Variants in ADAM32 observed in about 807,000 individuals in gnomAD.
The protein encoded by ADAM32 is ADAM metallopeptidase domain 32, also known as disintegrin and metalloproteinase domain-containing protein 32.
ADAM32 carries 89 observed loss-of-function variants against 114.9 expected under a neutral mutation model. The observed-to-expected ratio is 0.77, with a 90% CI of 0.65 to 0.92. The LOEUF (loss-of-function observed/expected upper bound fraction) is 0.92. Among genes scored for constraint, ADAM32 ranks in the 40% least tolerant of loss-of-function variants. ADAM32 has a pLI of 0.00. For missense variants in ADAM32, 870 were observed against 932.8 expected, an observed-to-expected ratio of 0.93 and a Z score of 0.88; for synonymous variants, 285 against 307.5, an observed-to-expected ratio of 0.93 and a Z score of 0.77.
chr8:39,118,283 T>C lies in ADAM32; in HGVS notation c.138+118T>C, dbSNP rs572342591. 207 of 529,638 alleles carry C rather than the reference T, an allele frequency of 3.9e-4. 2 individuals carry two copies. In the South Asian group the frequency reaches 0.012, roughly 31 times the overall value. 32.8% of individuals were successfully genotyped at this position (529,638 alleles called of 1,614,324 possible). On this transcript the variant is annotated intron_variant, in intron 2 of 24. Coordinates refer to ENST00000379907, the MANE Select transcript of ADAM32 (RefSeq NM_145004.7). ...AATATAATGTCTCTTGTATTTCTAC[T>C]GATAGGAATTAAAAGCTTTGATGGT...
rs1269453640 is a variant in ADAM32, at chr8:39,284,674, A to G, written c.2358-119A>G. The G allele has an allele frequency of 4.6e-6, 5 of 1,093,458 alleles. No homozygotes were observed. The African/African-American group carries it at 6.3e-5, about 14-fold the overall frequency. 67.7% of individuals were successfully genotyped at this position (1,093,458 alleles called of 1,614,324 possible). ...AGGCAAAATTGTAAACATCCTTTCA[A>G]TAATTCTTTTTTTCGTGCCACATGA... On this transcript the variant is annotated intron_variant, in intron 24 of 24. Transcript: ENST00000379907.
intron 17 of ADAM32, among the ~76,000 whole-genome samples, chr8:39,250,364 C>A (rs533822361): frequency 6.6e-5 from 10 of 151,654 alleles, no homozygotes; most frequent in East Asian, 3.9e-4. Flanking sequence ...ATTCTATTTA[C>A]GGGCCCATCA....
chr8:39,181,581 A>G (rs1805898427), intron 10 of ADAM32, among the ~76,000 whole-genome samples: 1 of 152,212 alleles, frequency 6.6e-6, no homozygotes, highest in African/African-American at 2.4e-5. Context: ...TCTTTGTCCT[A>G]ACATCTTCCT....
chr8:39,131,850 A>G (rs1802477816), intron 2 of ADAM32, among the ~76,000 whole-genome samples: 1 of 152,062 alleles, frequency 6.6e-6, no homozygotes, highest in Non-Finnish European at 1.5e-5. Flanking sequence ...TTGTGTATTG[A>G]ATCTAAGGTG....
Position 39,284,819 on chromosome 8 carries a change from C to A in ADAM32, c.*20C>A. 6.2e-7 allele frequency: 1 copy of A among 1,613,164 alleles called. No homozygotes were observed. Among genetic ancestry groups the A allele is most frequent in the Non-Finnish European group, 8.5e-7 (1 of 1,179,274 alleles). ...AACTAGTGATTCCTTCAGAAGGCAA[C>A]GGATAACATCGAGAGTCTCGCTAAG... On this transcript the variant is annotated 3_prime_UTR_variant, in exon 25 of 25. Coordinates refer to ENST00000379907, the MANE Select transcript of ADAM32 (RefSeq NM_145004.7).
chr8:39,132,752 A>AT (rs35027560), intron 2 of ADAM32, among the ~76,000 whole-genome samples: 44,809 of 149,226 alleles, frequency 0.3, 7,544 homozygotes, highest in Middle Eastern at 0.39. Context: ...TAGTTGACAG[A>AT]TTTTTTTTTT....
At chr8:39,186,820 A>C in intron 10 of ADAM32, 89 bp from the exon 11 acceptor site, 2 of 1,121,654 alleles carry the variant, frequency 1.8e-6, no homozygotes, top group Non-Finnish European at 2.5e-6. Flanking sequence ...GCATTTGATA[A>C]AATAATAAAA....
At chr8:39,159,565 C>A (rs1804356935) in intron 6 of ADAM32, among the ~76,000 whole-genome samples, 1 of 152,214 alleles carries the variant, frequency 6.6e-6, no homozygotes, top group African/African-American at 2.4e-5. Context: ...CATTTCCTTC[C>A]TCAGCCTCTT....
intron 11 of ADAM32, among the ~76,000 whole-genome samples, chr8:39,190,335 A>G (rs941820579): frequency 1.3e-5 from 2 of 152,212 alleles, no homozygotes; most frequent in Non-Finnish European, 2.9e-5. Flanking sequence ...GGCTATTGTG[A>G]ATAGTGCTGC....
intron 2 of ADAM32, among the ~76,000 whole-genome samples, chr8:39,121,789 TGG>T (rs1416466903): frequency 6.6e-6 from 1 of 151,890 alleles, no homozygotes; most frequent in East Asian, 1.9e-4. Context: ...CCCAGAGCTG[TGG>T]GGGCAGAGCC....
intron 12 of ADAM32, among the ~76,000 whole-genome samples, chr8:39,211,906 C>T (rs1359502727): frequency 6.6e-6 from 1 of 152,152 alleles, no homozygotes; most frequent in African/African-American, 2.4e-5. Flanking sequence ...CTGTTACATC[C>T]ATAGGTCTGA....
chr8:39,215,617 A>G (rs540838202), intron 12 of ADAM32, among the ~76,000 whole-genome samples: 1 of 152,060 alleles, frequency 6.6e-6, no homozygotes. Context: ...AAATTTTTAA[A>G]TTTCCTTGTT....
intron 3 of ADAM32, among the ~76,000 whole-genome samples, chr8:39,145,129 C>A (rs1280678082): frequency 6.6e-6 from 1 of 152,068 alleles, no homozygotes; most frequent in Non-Finnish European, 1.5e-5. Flanking sequence ...GATCTGTATA[C>A]TGAGAGCTAG....
intron 11 of ADAM32, 52 bp downstream of exon 11, chr8:39,187,097 C>A: frequency 6.6e-7 from 1 of 1,504,808 alleles, no homozygotes; most frequent in Non-Finnish European, 9.0e-7. Flanking sequence ...TTTAAATATT[C>A]AGAGTGTGAA....
intron 2 of ADAM32, among the ~76,000 whole-genome samples, chr8:39,135,146 A>C (rs1425045373): frequency 2.0e-5 from 3 of 152,096 alleles, no homozygotes; most frequent in African/African-American, 7.2e-5. Context: ...CAAGAGCGAA[A>C]CTCTGTCGCA....
intron 10 of ADAM32, among the ~76,000 whole-genome samples, chr8:39,185,369 A>AAACT (rs1806168750): frequency 6.6e-6 from 1 of 151,982 alleles, no homozygotes; most frequent in Non-Finnish European, 1.5e-5. Flanking sequence ...ACAAACAAAC[A>AAACT]AACAAAAAAA....
intron 16 of ADAM32, among the ~76,000 whole-genome samples, chr8:39,234,634 C>T (rs1809983549): frequency 6.6e-6 from 1 of 152,090 alleles, no homozygotes; most frequent in Admixed American, 6.5e-5. Context: ...AGCACAATGC[C>T]CAGAACATAG....
chr8:39,273,268 G>A (rs1458803845), intron 20 of ADAM32, among the ~76,000 whole-genome samples: 1 of 152,120 alleles, frequency 6.6e-6, no homozygotes, highest in Non-Finnish European at 1.5e-5. Flanking sequence ...CACTTTGAGA[G>A]GCTGAGGCGG....
intron 13 of ADAM32, 42 bp downstream of exon 13, chr8:39,221,744 A>T: frequency 6.8e-7 from 1 of 1,465,942 alleles, no homozygotes; most frequent in Non-Finnish European, 9.5e-7. Flanking sequence ...TATATAACAA[A>T]TCATGTGCAG....
Sources: allele counts gnomAD v4.1 joint callset (sites outside exome capture counted in the v4.1 genomes callset), GRCh38; gene constraint gnomAD v4.1.1; transcripts MANE v1.5; gene names NCBI Gene and HGNC (gene_info 2026-07-23, HGNC 2026-07-21).